The following UGCG variants were observed in gnomAD, a reference collection of about 807,000 sequenced individuals.
UGCG encodes ceramide glucosyltransferase.
A neutral mutation model predicts 49.5 loss-of-function variants in UGCG; 10 were observed. The ratio of observed to expected loss-of-function variants is 0.20; its 90% CI spans 0.12 to 0.34. UGCG has a LOEUF of 0.34. Ranked by LOEUF, UGCG falls within the 10% of genes least tolerant of loss-of-function variation. The probability of loss-of-function intolerance (pLI) is 1.00; values close to 1 mark genes in which losing one functional copy is unlikely to be tolerated. For missense variants in UGCG, 312 were observed against 483.7 expected, an observed-to-expected ratio of 0.65 and a Z score of 3.33; for synonymous variants, 182 against 158.2, an observed-to-expected ratio of 1.15 and a Z score of -1.13.
intron 2 of UGCG, among the ~76,000 whole-genome samples, chr9:111,919,640 A>G (rs1838181370): frequency 1.4e-5 from 2 of 147,310 alleles, no homozygotes; most frequent in Non-Finnish European, 3.0e-5. Flanking sequence ...AGAAAAATAC[A>G]AAAAATTAGC....
intron 1 of UGCG, among the ~76,000 whole-genome samples, chr9:111,911,927 T>TATATATATATATTCAACAGG: frequency 4.0e-5 from 1 of 24,786 alleles, no homozygotes; most frequent in South Asian, 9.2e-4. Flanking sequence ...TATATATATA[T>TATATATATATATTCAACAGG]ATATATATAT....
intron 1 of UGCG, among the ~76,000 whole-genome samples, chr9:111,906,969 A>T (rs1837897431): frequency 6.6e-6 from 1 of 152,214 alleles, no homozygotes; most frequent in African/African-American, 2.4e-5. Flanking sequence ...TATAGCAGAG[A>T]TGAGTCTTAA....
At position 111,932,272 on chromosome 9, in the gene UGCG, T is replaced by C. The variant is rs752297531; in HGVS notation, c.927T>C (p.His309=). 3.1e-6 allele frequency: 5 copies of C among 1,614,100 alleles called. No homozygotes were observed. The East Asian group carries it at 6.7e-5, about 22-fold the overall frequency. ...TAATTATTGGATGGGCAGCCCACCATGTGTTCAGATGGGATATTATGGTAT... is the reference window on the plus strand; with the variant it reads ...TAATTATTGGATGGGCAGCCCACCACGTGTTCAGATGGGATATTATGGTAT... The part of the protein sequence containing the change: ...ASLIIGWAAH[H]VFRWDIMVFF... Residue 309 remains histidine, a synonymous_variant, in exon 8 of 9, where the codon CAT becomes CAC. Transcript: ENST00000374279.
At chr9:111,932,755 G>T (rs1325810490) in intron 8 of UGCG, 72 bp from the exon 9 acceptor site, 3 of 1,393,570 alleles carry the variant, frequency 2.2e-6, no homozygotes, top group Admixed American at 2.3e-5. Context: ...TGAAATCCAA[G>T]AATTTAATTT....
chr9:111,934,817 T>C lies in UGCG; in HGVS notation c.*1820T>C, dbSNP rs1202175920. Reference sequence around the variant, plus strand: ...ATGCATATTCCTTTCTTTCTGTGAATGGGTATTATTCCCTGAGGAAAGTTG... The same window carrying C: ...ATGCATATTCCTTTCTTTCTGTGAACGGGTATTATTCCCTGAGGAAAGTTG... On this transcript the variant is annotated 3_prime_UTR_variant, in exon 9 of 9. Transcript: ENST00000374279. 1.3e-5 allele frequency: 2 copies of C among 152,122 alleles called. No homozygotes were observed. Among genetic ancestry groups the C allele is most frequent in the Non-Finnish European group, 2.9e-5 (2 of 68,010 alleles). 9.4% of individuals were successfully genotyped at this position (152,122 alleles called of 1,614,324 possible). A position where few individuals can be genotyped will look rare whatever the true frequency, so the allele number is the denominator to read the frequency against.
At chr9:111,904,740 T>C (rs1246539796) in intron 1 of UGCG, among the ~76,000 whole-genome samples, 2 of 152,124 alleles carry the variant, frequency 1.3e-5, no homozygotes, top group East Asian at 3.9e-4. Context: ...TGCTCGCCTG[T>C]AATCCCAGCT....
intron 1 of UGCG, among the ~76,000 whole-genome samples, chr9:111,903,726 G>A (rs548229516): frequency 6.6e-6 from 1 of 152,290 alleles, no homozygotes; most frequent in African/African-American, 2.4e-5. Flanking sequence ...CTCCTGGGTA[G>A]CTGGGACTAC....
chr9:111,900,248 C>T (rs146909550), intron 1 of UGCG, among the ~76,000 whole-genome samples: 329 of 151,824 alleles, frequency 2.2e-3, no homozygotes, highest in African/African-American at 7.5e-3. Context: ...CACGTTGCTG[C>T]GTGATGAAGT....
intron 1 of UGCG, among the ~76,000 whole-genome samples, chr9:111,912,783 G>A (rs1382485576): frequency 6.6e-6 from 1 of 152,154 alleles, no homozygotes; most frequent in Admixed American, 6.5e-5. Context: ...GTAGCACTGC[G>A]ATAGATGGTG....
At position 111,932,917 on chromosome 9, in the gene UGCG, T is replaced by C. The variant is rs1838453768; in HGVS notation, c.1105T>C (p.Trp369Arg). ...MTIYIFLSAL[W>R]DPTISWRTGR... Reference sequence around the variant, plus strand: ...AATATACATTTTTTTGTCTGCATTATGGGACCCAACTATAAGCTGGAGAAC... The same window carrying C: ...AATATACATTTTTTTGTCTGCATTACGGGACCCAACTATAAGCTGGAGAAC... The change falls in exon 9 of 9, where the codon TGG (tryptophan) becomes CGG (arginine). Residue 369 changes from tryptophan (W) to arginine (R), a missense_variant. By Grantham distance (101) the Trp-to-Arg change is moderately radical. Coordinates refer to ENST00000374279, the MANE Select transcript of UGCG (RefSeq NM_003358.3). The C allele has an allele frequency of 3.1e-6, 5 of 1,613,402 alleles. No individual in the cohort carries two copies. Among genetic ancestry groups the C allele is most frequent in the Non-Finnish European group, 4.2e-6 (5 of 1,179,602 alleles).
At chr9:111,920,895 T>C (rs1005899248) in intron 2 of UGCG, among the ~76,000 whole-genome samples, 1 of 150,624 alleles carries the variant, frequency 6.6e-6, no homozygotes, top group African/African-American at 2.5e-5. Flanking sequence ...ACCAGTTTTA[T>C]GTTGTCGTCG....
At position 111,929,690 on chromosome 9, in the gene UGCG, A is replaced by G. The variant is rs1838386105; in HGVS notation, c.737+12A>G. 1 of 1,611,796 alleles carries G rather than the reference A, an allele frequency of 6.2e-7. No homozygotes were observed. Among genetic ancestry groups the G allele is most frequent in the East Asian group, 2.2e-5 (1 of 44,788 alleles). ...GCGATAGCTGACCGGTAAGACAACTAAATGAAGCCATAGTATTTTTATTAC... is the reference window on the plus strand; with the variant it reads ...GCGATAGCTGACCGGTAAGACAACTGAATGAAGCCATAGTATTTTTATTAC... On this transcript the variant is annotated intron_variant, in intron 6 of 8. Coordinates refer to ENST00000374279, the MANE Select transcript of UGCG (RefSeq NM_003358.3).
chr9:111,904,429 G>T (rs766527076), intron 1 of UGCG, among the ~76,000 whole-genome samples: 3 of 152,074 alleles, frequency 2.0e-5, no homozygotes, highest in African/African-American at 7.2e-5. Flanking sequence ...TCATTCTACC[G>T]CATTCTTGGT....
chr9:111,897,431 G>A, intron 1 of UGCG, 118 bp downstream of exon 1: 1 of 776,026 alleles, frequency 1.3e-6, no homozygotes, highest in Non-Finnish European at 2.0e-6. Flanking sequence ...GGAGAAAGCT[G>A]ATCGTCAGGC....
chr9:111,918,315 T>C (rs1373619530), intron 2 of UGCG, among the ~76,000 whole-genome samples: 1 of 152,230 alleles, frequency 6.6e-6, no homozygotes, highest in Non-Finnish European at 1.5e-5. Context: ...GTGCTGGGAT[T>C]GCAGGTGTGA....
chr9:111,920,844 A>G (rs1014420080), intron 2 of UGCG, among the ~76,000 whole-genome samples: 1 of 151,974 alleles, frequency 6.6e-6, no homozygotes, highest in Admixed American at 6.6e-5. Flanking sequence ...TTATGTTTTC[A>G]TGGACATAAT....
chr9:111,918,924 CAAAAAAA>C (rs71373797), intron 2 of UGCG, among the ~76,000 whole-genome samples: 2 of 111,974 alleles, frequency 1.8e-5, no homozygotes, highest in Non-Finnish European at 3.8e-5. Flanking sequence ...GACTCCGTCT[CAAAAAAA>C]AAAAACAAAA....
chr9:111,909,843 C>T (rs60104184), intron 1 of UGCG, among the ~76,000 whole-genome samples: 4 of 152,116 alleles, frequency 2.6e-5, no homozygotes, highest in Non-Finnish European at 5.9e-5. Context: ...GGTAGGATCT[C>T]GTACCCTAGG....
intron 2 of UGCG, among the ~76,000 whole-genome samples, chr9:111,919,083 A>G (rs1449744227): frequency 1.3e-5 from 2 of 152,244 alleles, no homozygotes; most frequent in Non-Finnish European, 2.9e-5. Flanking sequence ...ATATTTTTAC[A>G]AAGTTTTCTC....
Sources: allele counts gnomAD v4.1 joint callset (sites outside exome capture counted in the v4.1 genomes callset), GRCh38; gene constraint gnomAD v4.1.1; transcripts MANE v1.5; gene names NCBI Gene and HGNC (gene_info 2026-07-23, HGNC 2026-07-21).